The following SORCS3 variants were observed in gnomAD, a reference collection of about 807,000 sequenced individuals.
The protein encoded by SORCS3 is sortilin related VPS10 domain containing receptor 3.
A neutral mutation model predicts 146.3 loss-of-function variants in SORCS3; 57 were observed. That is an observed-to-expected ratio of 0.39 (90% CI 0.31 to 0.49). SORCS3 has a LOEUF of 0.49. SORCS3 is among the 20% of genes least tolerant of loss of function. SORCS3 has a pLI of 0.92. For missense variants in SORCS3, 1,341 were observed against 1,575.5 expected, an observed-to-expected ratio of 0.85 and a Z score of 2.52; for synonymous variants, 653 against 618.5, an observed-to-expected ratio of 1.06 and a Z score of -0.83.
chr10:104,691,424 A>T (rs775159036), intron 1 of SORCS3, among the ~76,000 whole-genome samples: 4 of 152,162 alleles, frequency 2.6e-5, no homozygotes, highest in African/African-American at 9.7e-5. Context: ...AACTAAAGAG[A>T]AAAAAAATCA....
chr10:105,183,072 G>T (rs960044202), intron 14 of SORCS3, among the ~76,000 whole-genome samples: 3 of 152,136 alleles, frequency 2.0e-5, no homozygotes, highest in Non-Finnish European at 4.4e-5. Flanking sequence ...GGCTGTAAAG[G>T]GGTTCATGGC....
chr10:104,723,757 G>A (rs2016583208), intron 1 of SORCS3, among the ~76,000 whole-genome samples: 1 of 152,152 alleles, frequency 6.6e-6, no homozygotes, highest in Non-Finnish European at 1.5e-5. Context: ...TTTGATCTTT[G>A]TTGTTTTGAA....
chr10:105,158,641 G>A (rs2056232854), intron 10 of SORCS3, among the ~76,000 whole-genome samples: 1 of 152,218 alleles, frequency 6.6e-6, no homozygotes, highest in South Asian at 2.1e-4. Context: ...GTGAGGAAGA[G>A]AGGGAAAGGC....
intron 3 of SORCS3, among the ~76,000 whole-genome samples, chr10:104,931,062 G>C (rs2019201456): frequency 6.6e-6 from 1 of 152,182 alleles, no homozygotes; most frequent in Non-Finnish European, 1.5e-5. Context: ...GGCAATTATT[G>C]CTCTTATTCA....
intron 5 of SORCS3, among the ~76,000 whole-genome samples, chr10:105,082,266 A>T (rs1020433505): frequency 6.6e-6 from 1 of 152,176 alleles, no homozygotes; most frequent in African/African-American, 2.4e-5. Flanking sequence ...GCCTAAACTG[A>T]ACTTCTTAGT....
intron 13 of SORCS3, among the ~76,000 whole-genome samples, chr10:105,175,395 C>T (rs1427012600): frequency 2.0e-5 from 3 of 151,968 alleles, no homozygotes; most frequent in African/African-American, 7.2e-5. Flanking sequence ...GAGAATGAGA[C>T]AGAGAGAGGC....
intron 6 of SORCS3, among the ~76,000 whole-genome samples, chr10:105,100,137 T>C (rs563315851): frequency 6.6e-6 from 1 of 152,306 alleles, no homozygotes; most frequent in East Asian, 1.9e-4. Context: ...TAGTTTGAAA[T>C]AGGGGTGCAT....
At chr10:104,690,581 G>T (rs947882663) in intron 1 of SORCS3, among the ~76,000 whole-genome samples, 1 of 152,204 alleles carries the variant, frequency 6.6e-6, no homozygotes, top group Non-Finnish European at 1.5e-5. Flanking sequence ...AATCCAGAAT[G>T]TAGATTCAGA....
At chr10:104,770,437 G>A (rs1017726069) in intron 1 of SORCS3, among the ~76,000 whole-genome samples, 4 of 152,134 alleles carry the variant, frequency 2.6e-5, no homozygotes, top group African/African-American at 9.7e-5. Context: ...GGGTTTTACT[G>A]TATTTCATGG....
intron 2 of SORCS3, among the ~76,000 whole-genome samples, chr10:104,868,252 T>G (rs1269879404): frequency 6.6e-6 from 1 of 152,196 alleles, no homozygotes; most frequent in Non-Finnish European, 1.5e-5. Flanking sequence ...CTATAGACTA[T>G]AAATTAAAAA....
At chr10:104,779,650 T>C (rs1482014473) in intron 1 of SORCS3, among the ~76,000 whole-genome samples, 1 of 152,106 alleles carries the variant, frequency 6.6e-6, no homozygotes, top group Admixed American at 6.5e-5. Context: ...TGCCCAGTGA[T>C]CCATTGGCCC....
intron 2 of SORCS3, among the ~76,000 whole-genome samples, chr10:104,901,252 T>A (rs1394854946): frequency 6.6e-6 from 1 of 152,156 alleles, no homozygotes; most frequent in Non-Finnish European, 1.5e-5. Context: ...CAGGAAAAAC[T>A]TTTTAGATAG....
intron 2 of SORCS3, among the ~76,000 whole-genome samples, chr10:104,897,985 C>T (rs2018816208): frequency 6.6e-6 from 1 of 152,222 alleles, no homozygotes; most frequent in Admixed American, 6.5e-5. Flanking sequence ...CATGATTGCA[C>T]ATCTGTTCCT....
At chr10:104,642,022 G>GGGGGGGGGGGGGGGCCCCCCCC in intron 1 of SORCS3, 68 bp downstream of exon 1, 1 of 173,336 alleles carries the variant, frequency 5.8e-6, no homozygotes, top group Non-Finnish European at 1.1e-5. Flanking sequence ...GGGTGGGTGG[G>GGGGGGGGGGGGGGGCCCCCCCC]AGCGAGGGAC....
chr10:105,006,237 T>C (rs1328421148), intron 4 of SORCS3, among the ~76,000 whole-genome samples: 1 of 152,210 alleles, frequency 6.6e-6, no homozygotes, highest in Non-Finnish European at 1.5e-5. Context: ...CCACCACGCC[T>C]GGCCAATTCT....
chr10:104,821,083 A>G (rs1316255678), intron 1 of SORCS3, among the ~76,000 whole-genome samples: 2 of 152,234 alleles, frequency 1.3e-5, no homozygotes, highest in East Asian at 1.9e-4. Flanking sequence ...AGATTTTCTT[A>G]GTATTTGTAC....
chr10:104,857,285 C>A (rs893311268), intron 2 of SORCS3, among the ~76,000 whole-genome samples: 2 of 151,880 alleles, frequency 1.3e-5, no homozygotes, highest in Non-Finnish European at 2.9e-5. Context: ...CCAGACTGAG[C>A]AGTTTGAAAT....
chr10:105,130,440 C>G (rs1009801676), intron 7 of SORCS3, among the ~76,000 whole-genome samples: 4 of 152,044 alleles, frequency 2.6e-5, no homozygotes, highest in African/African-American at 9.7e-5. Context: ...CTTTCTCTGC[C>G]ATACTAGCAT....
intron 5 of SORCS3, among the ~76,000 whole-genome samples, chr10:105,077,521 AACACACACACACACAC>A (rs60182481): frequency 8.6e-6 from 1 of 116,694 alleles, no homozygotes; most frequent in Middle Eastern, 4.4e-3. Context: ...GACTAAATTA[AACACACACACACACAC>A]ACACACACAC....
Sources: gnomAD v4.1 joint callset for allele counts (sites outside exome capture counted in the v4.1 genomes callset) on GRCh38, gnomAD v4.1.1 for gene constraint, MANE v1.5 for transcripts, NCBI Gene and HGNC (gene_info 2026-07-23, HGNC 2026-07-21) for gene names.